The following XPC variants were observed in gnomAD, a reference collection of about 807,000 sequenced individuals.
XPC encodes the protein DNA repair protein complementing XP-C cells.
A neutral mutation model predicts 95.8 loss-of-function variants in XPC; 76 were observed. The observed-to-expected ratio is 0.79, with a 90% CI of 0.66 to 0.96. The LOEUF (loss-of-function observed/expected upper bound fraction) is 0.96, where lower values mean the gene tolerates loss of function less well. XPC is among the 40% of genes least tolerant of loss of function. XPC has a pLI of 0.00. For synonymous variants in XPC, 442 were observed against 442.1 expected (o/e 1.00, Z 0.00); for missense variants, 1,146 against 1,179.8 (o/e 0.97, Z 0.42).
At chr3:14,164,589 C>T (rs1696296314) in intron 7 of XPC, 1 of 474,804 alleles carries the variant, frequency 2.1e-6, no homozygotes. Flanking sequence ...AGCATACAGG[C>T]CCTCCACTCA....
intron 13 of XPC, 195 bp from the exon 14 acceptor site, chr3:14,148,196 G>C: frequency 1.7e-6 from 1 of 594,050 alleles, no homozygotes; most frequent in Non-Finnish European, 2.9e-6. Context: ...TTCCTCCCCA[G>C]ATTCTGCCGA....
intron 11 of XPC, chr3:14,149,464 GT>G (rs1559369731): frequency 6.5e-6 from 1 of 154,636 alleles, no homozygotes; most frequent in Non-Finnish European, 1.4e-5. Context: ...GGTGTTTTTT[GT>G]TTTTTTATCC....
Position 14,178,447 on chromosome 3 carries a change from C to A in XPC, c.103+19G>T. The A allele has an allele frequency of 1.9e-6, 3 of 1,595,890 alleles. No homozygotes were observed. The highest frequency in any genetic ancestry group is 2.6e-6 in the Non-Finnish European group (3 of 1,171,200). On this transcript the variant is annotated intron_variant, in intron 1 of 15. Transcript: ENST00000285021. ...CACCGGCGGCGTCTCCCGCGAAGCCCGCTGGGCCTCGCTCTCACCCTCCTC... is the reference window on the plus strand; with the variant it reads ...CACCGGCGGCGTCTCCCGCGAAGCCAGCTGGGCCTCGCTCTCACCCTCCTC...
intron 4 of XPC, 69 bp downstream of exon 4, chr3:14,168,188 A>G: frequency 6.6e-7 from 1 of 1,516,476 alleles, no homozygotes; most frequent in South Asian, 1.3e-5. Flanking sequence ...GTTTCTCCAA[A>G]GTCCTCCTAA....
chr3:14,164,974 C>A (rs1268422629), intron 6 of XPC, 41 bp from the exon 7 acceptor site: 9 of 1,566,742 alleles, frequency 5.7e-6, no homozygotes, highest in South Asian at 2.4e-5. Context: ...GAGGTCAGGG[C>A]AAAGGGGAAT....
intron 11 of XPC, chr3:14,150,135 C>T (rs1449659244): frequency 6.6e-6 from 1 of 152,518 alleles, no homozygotes; most frequent in African/African-American, 2.4e-5. Context: ...TCCCCAACAG[C>T]GTGCAGTGGC....
chr3:14,165,563 G>GCAGAA lies in XPC; in HGVS notation c.643_644insTTCTG (p.Ala215ValfsTer46). ...GATGTTATTTCGATAGAAGCCATTTGCTAGCAGGCAGAGAAGGTGAACCTG... is the reference window on the plus strand; with the variant it reads ...GATGTTATTTCGATAGAAGCCATTTGCAGAACTAGCAGGCAGAGAAGGTGAACCTG... On this transcript the variant is annotated frameshift_variant, in exon 6 of 16. Coordinates refer to ENST00000285021, the MANE Select transcript of XPC (RefSeq NM_004628.5). LOFTEE classifies it high-confidence loss of function. 1 of 1,613,380 alleles carries GCAGAA rather than the reference G, an allele frequency of 6.2e-7. No homozygotes were observed. Among genetic ancestry groups the GCAGAA allele is most frequent in the Non-Finnish European group, 8.5e-7 (1 of 1,179,708 alleles).
chr3:14,176,280 C>T (rs1358068862), intron 1 of XPC, among the ~76,000 whole-genome samples: 1 of 152,216 alleles, frequency 6.6e-6, no homozygotes, highest in Non-Finnish European at 1.5e-5. Flanking sequence ...AAATTACATT[C>T]TGACTAGAAT....
intron 10 of XPC, among the ~76,000 whole-genome samples, chr3:14,156,098 C>T (rs1379364109): frequency 2.6e-5 from 4 of 152,066 alleles, no homozygotes; most frequent in African/African-American, 9.7e-5. Flanking sequence ...ATTTTTCCTA[C>T]TTTGTATTTT....
rs1695362730 is a variant in XPC at position 14,145,205 on chromosome 3, CAG to C, written c.*734_*735del. 3.4e-6 allele frequency: 2 copies of C among 594,314 alleles called. No homozygotes were observed. Among genetic ancestry groups the C allele is most frequent in the East Asian group, 2.8e-5 (1 of 35,882 alleles). 36.8% of individuals were successfully genotyped at this position (594,314 alleles called of 1,614,324 possible). A position where few individuals can be genotyped will look rare whatever the true frequency, so the allele number is the denominator to read the frequency against. ...TTATAAAAGTCATTTCTCCTTAGTACAGAGAGCTTTATACATTTTATCTAGTA... is the reference window on the plus strand; with the variant it reads ...TTATAAAAGTCATTTCTCCTTAGTACAGAGCTTTATACATTTTATCTAGTA... On this transcript the variant is annotated 3_prime_UTR_variant, in exon 16 of 16. Transcript: ENST00000285021.
chr3:14,147,106 A>G (rs1459148028), intron 15 of XPC, among the ~76,000 whole-genome samples, 184 bp downstream of exon 15: 1 of 152,152 alleles, frequency 6.6e-6, no homozygotes, highest in Admixed American at 6.5e-5. Context: ...CTGAGGCCTC[A>G]CTCCAGGGAC....
At chr3:14,175,075 C>T (rs1367605030) in intron 1 of XPC, among the ~76,000 whole-genome samples, 1 of 152,146 alleles carries the variant, frequency 6.6e-6, no homozygotes, top group African/African-American at 2.4e-5. Context: ...AATTCCAACT[C>T]CTTAGCTTGG....
intron 10 of XPC, among the ~76,000 whole-genome samples, chr3:14,155,489 T>G (rs1164779434): frequency 6.6e-6 from 1 of 152,100 alleles, no homozygotes; most frequent in East Asian, 1.9e-4. Flanking sequence ...TTTGCTCTTA[T>G]TCCACTCTTT....
At chr3:14,178,245 C>G (rs754646673) in intron 1 of XPC, 1 of 551,482 alleles carries the variant, frequency 1.8e-6, no homozygotes, top group Non-Finnish European at 3.1e-6. Context: ...TACGCAGGAG[C>G]TTGGATCGGG....
rs1696409003 is a variant in XPC, at chr3:14,167,056, AGT to A, written c.621+111_621+112del. 1.1e-5 allele frequency: 10 copies of A among 876,782 alleles called. No individual in the cohort carries two copies. The South Asian group carries it at 2.2e-4, about 20-fold the overall frequency. 54.3% of individuals were successfully genotyped at this position (876,782 alleles called of 1,614,324 possible). On this transcript the variant is annotated intron_variant, in intron 5 of 15. Transcript: ENST00000285021. ...GATGAGGATGCAAAGGCTCAGAGAGAGTAAGAAACTTGCCATGGCCACAGAGC... is the reference window on the plus strand; with the variant it reads ...GATGAGGATGCAAAGGCTCAGAGAGAAAGAAACTTGCCATGGCCACAGAGC...
At chr3:14,176,324 C>T (rs750086753) in intron 1 of XPC, among the ~76,000 whole-genome samples, 3 of 152,178 alleles carry the variant, frequency 2.0e-5, no homozygotes, top group Non-Finnish European at 2.9e-5. Context: ...TGCTAAAATA[C>T]CAACCATCCT....
intron 13 of XPC, chr3:14,148,237 C>T (rs1175697097): frequency 1.9e-5 from 11 of 581,294 alleles, no homozygotes; most frequent in Non-Finnish European, 3.0e-5. Flanking sequence ...CCTATCCAGC[C>T]TCACCCATCA....
At chr3:14,175,992 C>CT (rs1696799671) in intron 1 of XPC, among the ~76,000 whole-genome samples, 2 of 152,208 alleles carry the variant, frequency 1.3e-5, no homozygotes, top group Non-Finnish European at 2.9e-5. Context: ...ATGACACCAG[C>CT]TAGCCCAACT....
At chr3:14,149,704 C>A (rs1288180833) in intron 11 of XPC, 1 of 152,262 alleles carries the variant, frequency 6.6e-6, no homozygotes, top group Non-Finnish European at 1.5e-5. Flanking sequence ...AAATGATCCA[C>A]CTGCCTTGGC....
Sources: allele counts gnomAD v4.1 joint callset (sites outside exome capture counted in the v4.1 genomes callset), GRCh38; gene constraint gnomAD v4.1.1; transcripts MANE v1.5; gene names NCBI Gene and HGNC (gene_info 2026-07-23, HGNC 2026-07-21).